TUSC3: variants seen among roughly 807,000 people sequenced by gnomAD.
The protein encoded by TUSC3 is tumor suppressor candidate 3.
Under a neutral mutation model 44.8 loss-of-function variants are expected in TUSC3, and 45 were observed. That is an observed-to-expected ratio of 1.00 (90% CI 0.79 to 1.29). The LOEUF (loss-of-function observed/expected upper bound fraction) is 1.29. TUSC3 is among the 50% of genes most tolerant of loss of function. The pLI is 0.00. For synonymous variants in TUSC3, 212 were observed against 152.9 expected (o/e 1.39, Z -2.85); for missense variants, 519 against 437.9 (o/e 1.19, Z -1.65).
chr8:15,543,512 G>T (rs1330112087), intron 1 of TUSC3, among the ~76,000 whole-genome samples: 1 of 151,992 alleles, frequency 6.6e-6, no homozygotes, highest in Non-Finnish European at 1.5e-5. Flanking sequence ...TAGTTTGCTT[G>T]CTTTAAAATA....
At chr8:15,705,326 T>C (rs1809572802) in intron 6 of TUSC3, among the ~76,000 whole-genome samples, 1 of 152,074 alleles carries the variant, frequency 6.6e-6, no homozygotes, top group East Asian at 1.9e-4. Context: ...AAAAACTATT[T>C]AAACAAGAAG....
intron 1 of TUSC3, among the ~76,000 whole-genome samples, chr8:15,567,921 T>C (rs1802735306): frequency 6.6e-6 from 1 of 152,202 alleles, no homozygotes; most frequent in Non-Finnish European, 1.5e-5. Context: ...CATTGAGTAA[T>C]GTGTGGTACT....
the TUSC3 span, among the ~76,000 whole-genome samples, chr8:15,772,931 G>T: frequency 1.3e-5 from 1 of 79,506 alleles, no homozygotes; most frequent in African/African-American, 5.0e-5. Context: ...TGCAGAAAAA[G>T]CATTTAACCA....
chr8:15,423,909 C>G (rs1247948893), intron 1 of TUSC3, among the ~76,000 whole-genome samples: 6 of 148,440 alleles, frequency 4.0e-5, no homozygotes, highest in Admixed American at 6.9e-5. Flanking sequence ...GCTTATTGAC[C>G]AGGATGTTTC....
chr8:15,596,909 T>G (rs992585606), intron 1 of TUSC3, among the ~76,000 whole-genome samples: 6 of 152,164 alleles, frequency 3.9e-5, no homozygotes, highest in Non-Finnish European at 7.3e-5. Context: ...CATAGTTGAC[T>G]GCAGGCTGTG....
intron 6 of TUSC3, among the ~76,000 whole-genome samples, chr8:15,687,573 C>A (rs150533182): frequency 6.6e-6 from 1 of 152,080 alleles, no homozygotes; most frequent in Non-Finnish European, 1.5e-5. Context: ...TTAGTGTCAC[C>A]ATTTAAACTA....
chr8:15,445,119 A>C (rs1309251996), intron 1 of TUSC3, among the ~76,000 whole-genome samples: 2 of 152,170 alleles, frequency 1.3e-5, no homozygotes, highest in Admixed American at 6.5e-5. Flanking sequence ...TTCAACTGCA[A>C]ATACATGGGT....
chr8:15,686,628 A>C (rs550223234), intron 6 of TUSC3, among the ~76,000 whole-genome samples: 38 of 152,134 alleles, frequency 2.5e-4, no homozygotes, highest in African/African-American at 8.9e-4. Context: ...TTTTTAAAAA[A>C]CTTAAAAATC....
intron 5 of TUSC3, among the ~76,000 whole-genome samples, chr8:15,664,086 T>A (rs1379548526): frequency 6.6e-6 from 1 of 151,828 alleles, no homozygotes; most frequent in Non-Finnish European, 1.5e-5. Context: ...TTTACTGATC[T>A]CTTTTTTCTT....
At chr8:15,751,270 A>G (rs1435906176) in intron 9 of TUSC3, among the ~76,000 whole-genome samples, 4 of 152,178 alleles carry the variant, frequency 2.6e-5, no homozygotes, top group Non-Finnish European at 5.9e-5. Flanking sequence ...CCTAATTGCC[A>G]CATAGCTAGG....
intron 1 of TUSC3, among the ~76,000 whole-genome samples, chr8:15,437,720 C>T (rs146954096): frequency 6.6e-6 from 1 of 152,150 alleles, no homozygotes; most frequent in Non-Finnish European, 1.5e-5. Context: ...CAGCTGCACC[C>T]TTTGGAAGCA....
intron 2 of TUSC3, among the ~76,000 whole-genome samples, chr8:15,633,458 G>A (rs1206750544): frequency 6.6e-6 from 1 of 152,178 alleles, no homozygotes; most frequent in Non-Finnish European, 1.5e-5. Flanking sequence ...TTAACCCCCA[G>A]GTAGCCCAGA....
the TUSC3 span, among the ~76,000 whole-genome samples, chr8:15,809,107 G>A: frequency 2.5e-4 from 38 of 152,052 alleles, no homozygotes; most frequent in Non-Finnish European, 4.1e-4. Flanking sequence ...TCATGCTAAA[G>A]TACCATCTTA....
At chr8:15,455,334 G>A (rs949349717) in intron 1 of TUSC3, among the ~76,000 whole-genome samples, 3 of 152,106 alleles carry the variant, frequency 2.0e-5, no homozygotes, top group Non-Finnish European at 4.4e-5. Context: ...TTTATAGATT[G>A]AGGAGCTATG....
At chr8:15,483,022 A>G (rs1038368546) in intron 1 of TUSC3, among the ~76,000 whole-genome samples, 1 of 152,236 alleles carries the variant, frequency 6.6e-6, no homozygotes, top group South Asian at 2.1e-4. Context: ...TAACAGTCAC[A>G]GACTAAAAGC....
At chr8:15,421,564 A>C (rs530690971) in intron 1 of TUSC3, among the ~76,000 whole-genome samples, 1 of 152,218 alleles carries the variant, frequency 6.6e-6, no homozygotes, top group Admixed American at 6.5e-5. Context: ...AACACTGTAA[A>C]ATTTATTTGT....
chr8:15,842,335 A>G, the TUSC3 span, among the ~76,000 whole-genome samples: 10 of 152,296 alleles, frequency 6.6e-5, no homozygotes, highest in East Asian at 1.7e-3. Flanking sequence ...TCTATAAATC[A>G]GTCTTAATAC....
At chr8:15,678,147 C>G (rs970668034) in intron 6 of TUSC3, among the ~76,000 whole-genome samples, 10 of 152,104 alleles carry the variant, frequency 6.6e-5, no homozygotes, top group African/African-American at 2.4e-4. Flanking sequence ...TTTCCTACTA[C>G]AGTGGTAAGG....
intron 6 of TUSC3, among the ~76,000 whole-genome samples, chr8:15,692,362 C>T (rs1454688139): frequency 9.3e-6 from 1 of 108,042 alleles, no homozygotes; most frequent in African/African-American, 4.0e-5. Flanking sequence ...AGGAGACCCC[C>T]CCCCCCCCCT....
Sources: allele counts gnomAD v4.1 joint callset (sites outside exome capture counted in the v4.1 genomes callset), GRCh38; gene constraint gnomAD v4.1.1; transcripts MANE v1.5; gene names NCBI Gene and HGNC (gene_info 2026-07-23, HGNC 2026-07-21).